The following ALG9 variants were observed in gnomAD, a reference collection of about 807,000 sequenced individuals.
ALG9 encodes alpha-1,2-mannosyltransferase ALG9.
Under a neutral mutation model 81.8 loss-of-function variants are expected in ALG9, and 55 were observed. The observed-to-expected ratio is 0.67, with a 90% CI of 0.54 to 0.84. The LOEUF (loss-of-function observed/expected upper bound fraction) is 0.84. ALG9 is among the 40% of genes least tolerant of loss of function. The pLI is 0.00. For missense variants in ALG9, 629 were observed against 745.0 expected, an observed-to-expected ratio of 0.84 and a Z score of 1.81; for synonymous variants, 278 against 274.3, an observed-to-expected ratio of 1.01 and a Z score of -0.13.
intron 14 of ALG9, among the ~76,000 whole-genome samples, chr11:111,807,474 C>A (rs563803163): frequency 2.0e-5 from 3 of 152,294 alleles, no homozygotes; most frequent in Admixed American, 6.5e-5. Context: ...CAAAGTGTAA[C>A]CCCCAGCTCT....
chr11:111,825,820 G>T (rs1271656954), intron 13 of ALG9, among the ~76,000 whole-genome samples: 4 of 151,962 alleles, frequency 2.6e-5, no homozygotes, highest in Non-Finnish European at 4.4e-5. Flanking sequence ...GGCCAAGGTG[G>T]GCGGATCACC....
At chr11:111,832,415 A>AC (rs1162873651) in intron 13 of ALG9, among the ~76,000 whole-genome samples, 1 of 152,058 alleles carries the variant, frequency 6.6e-6, no homozygotes, top group African/African-American at 2.4e-5. Flanking sequence ...AGTTAGGACT[A>AC]CAGGCATGAG....
chr11:111,818,976 C>T (rs781914421), intron 13 of ALG9, among the ~76,000 whole-genome samples: 1 of 152,030 alleles, frequency 6.6e-6, no homozygotes, highest in African/African-American at 2.4e-5. Flanking sequence ...TGGAAGCAGC[C>T]AAGGATGAAG....
intron 10 of ALG9, 59 bp downstream of exon 10, chr11:111,840,596 G>C: frequency 6.3e-7 from 1 of 1,598,310 alleles, no homozygotes; most frequent in Non-Finnish European, 8.6e-7. Context: ...TTAAGTTTGT[G>C]AGCAATTATT....
chr11:111,856,276 CAA>C (rs1175162630), intron 6 of ALG9, among the ~76,000 whole-genome samples: 5 of 38,586 alleles, frequency 1.3e-4, no homozygotes, highest in Admixed American at 2.6e-4. Context: ...GACTCCATCT[CAA>C]AAAAAAAAAA....
downstream of ALG9, among the ~76,000 whole-genome samples, chr11:111,781,413 G>GT: frequency 6.6e-6 from 1 of 152,256 alleles, no homozygotes; most frequent in East Asian, 1.9e-4. Context: ...CCTGAACAAT[G>GT]TAACACATGC....
chr11:111,868,871 A>G, intron 2 of ALG9, 135 bp from the exon 3 acceptor site: 2 of 901,100 alleles, frequency 2.2e-6, no homozygotes, highest in Non-Finnish European at 3.1e-6. Flanking sequence ...CTATAATCCC[A>G]GCACTTTGGG....
At chr11:111,797,861 C>T (rs582465) in intron 14 of ALG9, among the ~76,000 whole-genome samples, 108,190 of 152,130 alleles carry the variant, frequency 0.71, 39,220 homozygotes, top group African/African-American at 0.86. Flanking sequence ...GAGAATCCTA[C>T]GTAGGCACTG....
At chr11:111,836,900 T>C (rs1268603400) in intron 12 of ALG9, among the ~76,000 whole-genome samples, 1 of 152,232 alleles carries the variant, frequency 6.6e-6, no homozygotes. Flanking sequence ...TGACTCATCT[T>C]AACCAGATTT....
At chr11:111,845,654 T>C (rs1345116294) in intron 8 of ALG9, among the ~76,000 whole-genome samples, 4 of 152,188 alleles carry the variant, frequency 2.6e-5, no homozygotes, top group Admixed American at 2.6e-4. Context: ...TTCATCTGCT[T>C]TTCCCCTCTG....
At chr11:111,775,166 C>G in the ALG9 span, among the ~76,000 whole-genome samples, 1 of 152,164 alleles carries the variant, frequency 6.6e-6, no homozygotes, top group African/African-American at 2.4e-5. Flanking sequence ...CCCCCAGGAT[C>G]CAACTAGACA....
At chr11:111,821,436 A>C (rs1287221220) in intron 13 of ALG9, among the ~76,000 whole-genome samples, 1 of 152,140 alleles carries the variant, frequency 6.6e-6, no homozygotes, top group Non-Finnish European at 1.5e-5. Context: ...TCTCTCTACC[A>C]TGCCAGACTA....
In ALG9 at chr11:111,842,865, A is replaced by G. The variant is rs193054626; in HGVS notation, c.1018+1736T>C. On this transcript the variant is annotated intron_variant, in intron 9 of 14. Coordinates refer to ENST00000616540, the MANE Select transcript of ALG9 (RefSeq NM_024740.2). ...AATATTTTATACTTAAAATTTTATC[A>G]TACTGTAGAGAACAGCTTAATATCC... 2.6e-3 allele frequency among the ~76,000 whole-genome samples: 390 copies of G among 152,340 alleles called. 5 individuals are homozygous for G. Among genetic ancestry groups the G allele is most frequent in the Admixed American group, 0.016 (250 of 15,308 alleles).
rs1555157382 is a variant in ALG9 at position 111,870,382 on chromosome 11, C to CCAAAAAAAAAAAAAAAAAAAAA, written c.132-13_132-12insTTTTTTTTTTTTTTTTTTTTTG. ...TGTTCCCAGATAACCTGTTCAAAAG[C>CCAAAAAAAAAAAAAAAAAAAAA]AAAAAAAAAAAAAAAAAAAAAAGCA... On this transcript the variant is annotated splice_polypyrimidine_tract_variant and intron_variant, in intron 1 of 14. Transcript: ENST00000616540. 1 of 728,694 alleles carries CCAAAAAAAAAAAAAAAAAAAAA rather than the reference C, an allele frequency of 1.4e-6. No individual in the cohort carries two copies. The highest frequency in any genetic ancestry group is 1.7e-6 in the Non-Finnish European group (1 of 595,192). The allele number at this position is 728,694 out of a possible 1,614,324, so 45.1% of individuals were successfully genotyped here. A position where few individuals can be genotyped will look rare whatever the true frequency, so the allele number is the denominator to read the frequency against.
chr11:111,865,870 T>C (rs1962231726), intron 3 of ALG9, among the ~76,000 whole-genome samples: 1 of 152,252 alleles, frequency 6.6e-6, no homozygotes, highest in African/African-American at 2.4e-5. Flanking sequence ...TGTGGCTTTA[T>C]TAATTTTATA....
At chr11:111,864,886 T>C (rs1961770932) in intron 4 of ALG9, among the ~76,000 whole-genome samples, 1 of 152,112 alleles carries the variant, frequency 6.6e-6, no homozygotes, top group Non-Finnish European at 1.5e-5. Context: ...CAAGTGACTC[T>C]CCTGCCTCAG....
At chr11:111,778,107 G>C (rs1428930880), downstream of ALG9, 1 of 152,076 alleles carries the variant, frequency 6.6e-6, no homozygotes, top group African/African-American at 2.4e-5. Context: ...TGAGTAGAAG[G>C]GCTTAATATT....
At chr11:111,863,153 C>T (rs1288599576) in intron 4 of ALG9, among the ~76,000 whole-genome samples, 5 of 151,900 alleles carry the variant, frequency 3.3e-5, no homozygotes, top group South Asian at 2.1e-4. Flanking sequence ...GGGCAGATCA[C>T]GAAGTCAGGA....
At chr11:111,812,759 A>G (rs1413917838) in intron 13 of ALG9, among the ~76,000 whole-genome samples, 2 of 151,990 alleles carry the variant, frequency 1.3e-5, no homozygotes, top group Non-Finnish European at 2.9e-5. Context: ...TCTACTAAAA[A>G]TATAAAAATT....
Sources: allele counts gnomAD v4.1 joint callset (sites outside exome capture counted in the v4.1 genomes callset), GRCh38; gene constraint gnomAD v4.1.1; transcripts MANE v1.5; gene names NCBI Gene and HGNC (gene_info 2026-07-23, HGNC 2026-07-21).